Variants in ZYG11B observed in about 807,000 individuals in gnomAD.
The protein encoded by ZYG11B is zyg-11 family member B, cell cycle regulator.
A neutral mutation model predicts 82.4 loss-of-function variants in ZYG11B; 36 were observed. The observed-to-expected ratio is 0.44, with a 90% CI of 0.33 to 0.58. The LOEUF is 0.58. Among genes scored for constraint, ZYG11B ranks in the 20% least tolerant of loss-of-function variants. ZYG11B has a pLI of 0.02. For missense variants in ZYG11B, 552 were observed against 895.6 expected (o/e 0.62, Z 4.90); for synonymous variants, 303 against 312.8 (o/e 0.97, Z 0.33).
chr1:52,740,160 A>C (rs1386564477), intron 1 of ZYG11B, among the ~76,000 whole-genome samples: 3 of 152,228 alleles, frequency 2.0e-5, no homozygotes, highest in Non-Finnish European at 4.4e-5. Context: ...ACAGGAAAAT[A>C]GTGCTAAAGT....
rs1644749429 is a variant in ZYG11B at position 52,771,441 on chromosome 1, C to T, written c.618C>T (p.Ala206=). 1 of 1,613,852 alleles carries T rather than the reference C, an allele frequency of 6.2e-7. No homozygotes were observed. Among genetic ancestry groups the T allele is most frequent in the African/African-American group, 1.3e-5 (1 of 75,056 alleles). ...TSITDITALL[A]CKDRLKSLTM... is the part of the protein sequence containing the mutation. ...TCACAGACATCACTGCTCTACTGGC[C>T]TGCAAAGACCGACTCAAGTCTCTAA... is the stretch of plus-strand genomic sequence containing the variant. The change falls in exon 3 of 14, where the codon GCC becomes GCT. Residue 206 remains alanine, a synonymous_variant. Coordinates refer to ENST00000294353, the MANE Select transcript of ZYG11B (RefSeq NM_024646.3). This position sits in a 1 kb window ranked among gnomAD's most constrained non-coding sequence, Gnocchi z 5.4.
At position 52,821,725 on chromosome 1, in the gene ZYG11B, T is replaced by A; in HGVS notation, c.*96T>A. 1 of 1,184,364 alleles carries A rather than the reference T, an allele frequency of 8.4e-7. No individual in the cohort carries two copies. The highest frequency in any genetic ancestry group is 2.4e-5 in the East Asian group (1 of 41,124). The allele number at this position is 1,184,364 out of a possible 1,614,324, so 73.4% of individuals were successfully genotyped here. A position where few individuals can be genotyped will look rare whatever the true frequency, so the allele number is the denominator to read the frequency against. On this transcript the variant is annotated 3_prime_UTR_variant, in exon 14 of 14. Coordinates refer to ENST00000294353, the MANE Select transcript of ZYG11B (RefSeq NM_024646.3). Reference sequence around the variant, plus strand: ...CTCCCTGATGTTTTGGGGGTTTCTATGACAAGAGTCATAAAATCAGTTTGG... The same window carrying A: ...CTCCCTGATGTTTTGGGGGTTTCTAAGACAAGAGTCATAAAATCAGTTTGG...
chr1:52,817,384 C>T (rs772395490), intron 13 of ZYG11B, among the ~76,000 whole-genome samples: 28 of 151,928 alleles, frequency 1.8e-4, no homozygotes, highest in Admixed American at 3.9e-4. Flanking sequence ...TTGAAAGCTA[C>T]GATGTAACTC....
At chr1:52,783,897 T>C (rs921993847) in intron 4 of ZYG11B, among the ~76,000 whole-genome samples, 23 of 124,072 alleles carry the variant, frequency 1.9e-4, no homozygotes, top group Admixed American at 4.7e-4. Flanking sequence ...TACATACACG[T>C]GTGTGTATAT....
intron 1 of ZYG11B, among the ~76,000 whole-genome samples, chr1:52,753,351 T>C (rs1193308238): frequency 6.6e-6 from 1 of 152,136 alleles, no homozygotes; most frequent in Non-Finnish European, 1.5e-5. Flanking sequence ...TGTATGAGGT[T>C]TCCAATTTTT....
At position 52,738,985 on chromosome 1, in the gene ZYG11B, C is replaced by CTTTTTTTTTTTTT. The variant is rs10643364; in HGVS notation, c.30+12303_30+12315dup. 8.5e-3 allele frequency among the ~76,000 whole-genome samples: 906 copies of CTTTTTTTTTTTTT among 106,010 alleles called. 43 individuals are homozygous for CTTTTTTTTTTTTT. The highest frequency in any genetic ancestry group is 0.016 in the African/African-American group (403 of 25,098). 69.5% of individuals were successfully genotyped at this position (106,010 alleles called of 152,430 possible). A position where few individuals can be genotyped will look rare whatever the true frequency, so the allele number is the denominator to read the frequency against. The stretch of plus-strand genomic sequence containing the variant: ...ATTTTCATTTCATAGGCCCTGTAAC[C>CTTTTTTTTTTTTT]TTTTTTTTTTTTTGGAGACAGAGTC... On this transcript the variant is annotated intron_variant, in intron 1 of 13. Coordinates refer to ENST00000294353, the MANE Select transcript of ZYG11B (RefSeq NM_024646.3).
chr1:52,770,995 TAAAA>T, intron 2 of ZYG11B, 21 bp from the exon 3 acceptor site: 1 of 1,578,400 alleles, frequency 6.3e-7, no homozygotes, highest in Non-Finnish European at 8.6e-7. Flanking sequence ...TTTTTGAATT[TAAAA>T]CGCTGCTTGT....
chr1:52,754,055 T>G (rs1287304402), intron 1 of ZYG11B, among the ~76,000 whole-genome samples: 3 of 150,848 alleles, frequency 2.0e-5, no homozygotes, highest in Admixed American at 6.6e-5. Context: ...AGATGGAGTC[T>G]GGCTCTATTG....
intron 1 of ZYG11B, among the ~76,000 whole-genome samples, chr1:52,734,018 T>C (rs893797555): frequency 2.6e-5 from 4 of 152,138 alleles, no homozygotes; most frequent in African/African-American, 7.2e-5. Flanking sequence ...TTTTTCATAG[T>C]GACAGGGTCT....
intron 1 of ZYG11B, among the ~76,000 whole-genome samples, chr1:52,754,155 A>T (rs1176394130): frequency 1.3e-5 from 2 of 150,636 alleles, no homozygotes; most frequent in East Asian, 3.9e-4. Flanking sequence ...CCTCCCAAGT[A>T]GCTGGGACTA....
intron 4 of ZYG11B, 65 bp from the exon 5 acceptor site, chr1:52,784,808 ATAAT>A: frequency 1.2e-5 from 18 of 1,510,834 alleles, no homozygotes; most frequent in Non-Finnish European, 1.6e-5. Flanking sequence ...GACCAACAAA[ATAAT>A]TCTGCTCTGT....
intron 10 of ZYG11B, among the ~76,000 whole-genome samples, chr1:52,803,105 T>TATATATACACAC (rs1645094787): frequency 4.4e-5 from 4 of 90,112 alleles, no homozygotes; most frequent in Non-Finnish European, 7.3e-5. Flanking sequence ...TATACATATA[T>TATATATACACAC]ATATATATAT....
intron 10 of ZYG11B, among the ~76,000 whole-genome samples, chr1:52,806,508 G>A (rs927845628): frequency 4.6e-5 from 7 of 152,076 alleles, no homozygotes; most frequent in Non-Finnish European, 1.0e-4. Flanking sequence ...ATTATTAGAT[G>A]TATAAACATT....
intron 1 of ZYG11B, among the ~76,000 whole-genome samples, chr1:52,737,300 G>A (rs1038401268): frequency 2.0e-5 from 3 of 152,172 alleles, no homozygotes; most frequent in African/African-American, 7.2e-5. Context: ...CCTGTACAGT[G>A]TATGTGCCCT....
intron 8 of ZYG11B, 142 bp downstream of exon 8, chr1:52,796,926 A>ATT (rs1645014555): frequency 9.3e-6 from 1 of 107,450 alleles, no homozygotes; most frequent in Non-Finnish European, 1.8e-5. Context: ...TATTATATAT[A>ATT]ATTATATATT....
chr1:52,766,685 A>G (rs1199103576), intron 2 of ZYG11B, among the ~76,000 whole-genome samples: 1 of 152,116 alleles, frequency 6.6e-6, no homozygotes, highest in Non-Finnish European at 1.5e-5. Context: ...CTGCCTTGTT[A>G]CTGCCAGATT....
rs1366656055 is a variant in ZYG11B at position 52,825,399 on chromosome 1, A to G, written c.*3770A>G. ...CCAGTTTCAGGAATTGAGTATAAATATTGCTTCTTGTCACCCTGGGACAGT... is the reference window on the plus strand; with the variant it reads ...CCAGTTTCAGGAATTGAGTATAAATGTTGCTTCTTGTCACCCTGGGACAGT... On this transcript the variant is annotated 3_prime_UTR_variant, in exon 14 of 14. Transcript: ENST00000294353. 6.6e-6 allele frequency: 1 copy of G among 152,074 alleles called. No homozygotes were observed. Among genetic ancestry groups the G allele is most frequent in the Middle Eastern group, 3.2e-3 (1 of 316 alleles). The allele number at this position is 152,074 out of a possible 1,614,324, so 9.4% of individuals were successfully genotyped here.
At chr1:52,751,799 A>G (rs1644526809) in intron 1 of ZYG11B, among the ~76,000 whole-genome samples, 2 of 152,172 alleles carry the variant, frequency 1.3e-5, no homozygotes, top group Non-Finnish European at 2.9e-5. Context: ...GGTTGCCAGA[A>G]GGACCAAGGC....
intron 1 of ZYG11B, among the ~76,000 whole-genome samples, chr1:52,730,833 A>T (rs1338757931): frequency 6.7e-6 from 1 of 148,384 alleles, no homozygotes; most frequent in Non-Finnish European, 1.5e-5. Context: ...CAACAGAGCG[A>T]GACCTCATTA....
Sources: allele counts gnomAD v4.1 joint callset (sites outside exome capture counted in the v4.1 genomes callset), GRCh38; gene constraint gnomAD v4.1.1; non-coding constraint Gnocchi (gnomAD v3.1); transcripts MANE v1.5; gene names NCBI Gene and HGNC (gene_info 2026-07-23, HGNC 2026-07-21).